The following PDE7B variants were observed in gnomAD, a reference collection of about 807,000 sequenced individuals.
PDE7B encodes 3',5'-cyclic-AMP phosphodiesterase 7B.
In PDE7B, 29 loss-of-function variants were observed where a neutral mutation model predicts 56.2. The ratio of observed to expected loss-of-function variants is 0.52; its 90% CI spans 0.38 to 0.70. The LOEUF (loss-of-function observed/expected upper bound fraction) is 0.70. Among genes scored for constraint, PDE7B ranks in the 30% least tolerant of loss-of-function variants. PDE7B has a pLI of 0.00. For missense variants in PDE7B, 490 were observed against 565.0 expected (o/e 0.87, Z 1.35); for synonymous variants, 197 against 196.9 (o/e 1.00, Z 0.00).
Position 136,192,150 on chromosome 6 carries a change from G to A in PDE7B, c.*310G>A. On this transcript the variant is annotated 3_prime_UTR_variant, in exon 13 of 13. Transcript: ENST00000308191. ...AGAATGAGGTGCTCCTGCCGTGTCC[G>A]CCTTGTTCCGGGTCGCACTGGAACA... The A allele has an allele frequency of 7.6e-6, 3 of 393,372 alleles. No individual in the cohort carries two copies. In the South Asian group the frequency reaches 8.1e-5, roughly 11 times the overall value. The allele number at this position is 393,372 out of a possible 1,614,324, so 24.4% of individuals were successfully genotyped here. A position where few individuals can be genotyped will look rare whatever the true frequency, so the allele number is the denominator to read the frequency against.
intron 1 of PDE7B, among the ~76,000 whole-genome samples, chr6:135,895,031 TTAA>T (rs1182671267): frequency 1.3e-5 from 2 of 151,972 alleles, no homozygotes; most frequent in African/African-American, 4.8e-5. Context: ...TTAGAATTTA[TTAA>T]TAATAAATTT....
rs1247559515 is a variant in PDE7B at position 135,935,204 on chromosome 6, A to T, written c.22-12260A>T. ...TATATATTTATTTATATATATATAT[A>T]TATATATATATATTTTCATGATTCT... On this transcript the variant is annotated intron_variant, in intron 1 of 12. Transcript: ENST00000308191. Among the ~76,000 whole-genome samples, 132 of 73,230 alleles carry T rather than the reference A, an allele frequency of 1.8e-3. 3 individuals are homozygous for T. The highest frequency in any genetic ancestry group is 6.9e-3 in the South Asian group (17 of 2,458). 48.0% of individuals were successfully genotyped at this position (73,230 alleles called of 152,430 possible).
In PDE7B at chr6:136,081,137, C is replaced by T. The variant is rs1474870819; in HGVS notation, c.83-27594C>T. On this transcript the variant is annotated intron_variant, in intron 2 of 12. Coordinates refer to ENST00000308191, the MANE Select transcript of PDE7B (RefSeq NM_018945.4). ...TATTTCACCCTGAAGGTGATACAGT[C>T]ATAGAAGGGTTTTTAACATGGAATG... Among the ~76,000 whole-genome samples, 4 of 152,118 alleles carry T rather than the reference C, an allele frequency of 2.6e-5. No homozygotes were observed. The East Asian group carries it at 7.7e-4, about 29-fold the overall frequency.
intron 2 of PDE7B, among the ~76,000 whole-genome samples, chr6:136,091,181 A>G (rs1777379672): frequency 6.6e-6 from 1 of 152,178 alleles, no homozygotes; most frequent in Non-Finnish European, 1.5e-5. Flanking sequence ...TCACTAGGGA[A>G]ACTGTAAAAA....
chr6:136,016,712 G>T (rs1333169054), intron 2 of PDE7B, among the ~76,000 whole-genome samples: 1 of 151,924 alleles, frequency 6.6e-6, no homozygotes, highest in East Asian at 1.9e-4. Flanking sequence ...GCAGGCCTCG[G>T]ACAAGTTCAA....
intron 2 of PDE7B, among the ~76,000 whole-genome samples, chr6:136,030,299 C>A (rs867990735): frequency 1.3e-5 from 2 of 152,342 alleles, no homozygotes; most frequent in East Asian, 3.9e-4. Flanking sequence ...CTCTTAGTTA[C>A]CCTGGTCTTC....
intron 3 of PDE7B, among the ~76,000 whole-genome samples, chr6:136,113,968 A>T (rs890684262): frequency 1.3e-5 from 2 of 152,212 alleles, no homozygotes; most frequent in Admixed American, 1.3e-4. Context: ...GAAGTGACAT[A>T]CAAAGAAAAC....
intron 6 of PDE7B, 62 bp from the exon 7 acceptor site, chr6:136,154,013 C>A: frequency 9.1e-7 from 1 of 1,093,902 alleles, no homozygotes; most frequent in Non-Finnish European, 1.4e-6. Context: ...CACAGTAAGT[C>A]TAAGCTAGTA....
chr6:135,898,546 A>G (rs1374895403), intron 1 of PDE7B, among the ~76,000 whole-genome samples: 1 of 152,132 alleles, frequency 6.6e-6, no homozygotes, highest in Non-Finnish European at 1.5e-5. Flanking sequence ...TTAATATCTC[A>G]TAATTCTACC....
At chr6:135,967,895 C>A (rs1435553424) in intron 2 of PDE7B, among the ~76,000 whole-genome samples, 2 of 152,260 alleles carry the variant, frequency 1.3e-5, no homozygotes, top group Admixed American at 1.3e-4. Flanking sequence ...ACTGTGAATC[C>A]CCAAGCCAAG....
intron 1 of PDE7B, among the ~76,000 whole-genome samples, chr6:135,909,554 C>T (rs1470653055): frequency 1.3e-5 from 2 of 151,648 alleles, no homozygotes; most frequent in Admixed American, 6.6e-5. Context: ...TGCAGTGAGC[C>T]GAGATCATGC....
At chr6:136,057,565 C>T (rs1315710322) in intron 2 of PDE7B, among the ~76,000 whole-genome samples, 1 of 152,114 alleles carries the variant, frequency 6.6e-6, no homozygotes, top group Non-Finnish European at 1.5e-5. Flanking sequence ...GTTGAATTTG[C>T]CAGTATTTGG....
At chr6:135,900,201 C>T (rs7765911) in intron 1 of PDE7B, among the ~76,000 whole-genome samples, 2,155 of 151,794 alleles carry the variant, frequency 0.014, 44 homozygotes, top group African/African-American at 0.05. Flanking sequence ...TTTAATATCT[C>T]GGGGGCACAG....
chr6:136,011,885 G>T (rs1221434147), intron 2 of PDE7B, among the ~76,000 whole-genome samples: 1 of 152,142 alleles, frequency 6.6e-6, no homozygotes, highest in Non-Finnish European at 1.5e-5. Flanking sequence ...GGGACTTGGA[G>T]TTCTTGGAAA....
At chr6:135,971,194 A>T (rs138245531) in intron 2 of PDE7B, among the ~76,000 whole-genome samples, 1 of 152,184 alleles carries the variant, frequency 6.6e-6, no homozygotes, top group Admixed American at 6.6e-5. Context: ...GGAAATTTGG[A>T]TACACAGACA....
At chr6:136,152,374 A>C (rs1460237202) in intron 6 of PDE7B, among the ~76,000 whole-genome samples, 1 of 152,224 alleles carries the variant, frequency 6.6e-6, no homozygotes, top group Non-Finnish European at 1.5e-5. Context: ...AGTGCCCACT[A>C]TGAGCAGAGT....
In PDE7B at chr6:136,010,258, G is replaced by C. The variant is rs9389358; in HGVS notation, c.82+62734G>C. Reference sequence around the variant, plus strand: ...TTTTATTGTATTCTATTCTTATTGCGCTGTGGTCTGAGACTATGTTTGGTG... The same window carrying C: ...TTTTATTGTATTCTATTCTTATTGCCCTGTGGTCTGAGACTATGTTTGGTG... On this transcript the variant is annotated intron_variant, in intron 2 of 12. Coordinates refer to ENST00000308191, the MANE Select transcript of PDE7B (RefSeq NM_018945.4). Among the ~76,000 whole-genome samples, 827 of 151,942 alleles carry C rather than the reference G, an allele frequency of 5.4e-3. 7 individuals carry two copies. Among genetic ancestry groups the C allele is most frequent in the African/African-American group, 0.019 (793 of 41,418 alleles).
intron 3 of PDE7B, among the ~76,000 whole-genome samples, chr6:136,131,802 G>A (rs960593707): frequency 7.2e-5 from 11 of 151,972 alleles, no homozygotes; most frequent in Admixed American, 4.6e-4. Context: ...ACATAGAATC[G>A]CTTCCAACCT....
chr6:136,141,897 CA>C (rs1390487910), intron 3 of PDE7B, among the ~76,000 whole-genome samples: 7 of 151,786 alleles, frequency 4.6e-5, no homozygotes, highest in African/African-American at 1.7e-4. Context: ...TTGATCTTTT[CA>C]AAAAACCAGC....
Sources: allele counts gnomAD v4.1 joint callset (sites outside exome capture counted in the v4.1 genomes callset), GRCh38; gene constraint gnomAD v4.1.1; transcripts MANE v1.5; gene names NCBI Gene and HGNC (gene_info 2026-07-23, HGNC 2026-07-21).